Variants in NFAM1 observed in about 807,000 individuals in gnomAD.
NFAM1 encodes NFAT activation molecule 1.
In NFAM1, 17 loss-of-function variants were observed where a neutral mutation model predicts 29.0. That is an observed-to-expected ratio of 0.59 (90% CI 0.40 to 0.88). The LOEUF (loss-of-function observed/expected upper bound fraction) is 0.88, where lower values mean the gene tolerates loss of function less well. Among genes scored for constraint, NFAM1 ranks in the 40% least tolerant of loss-of-function variants. NFAM1 has a pLI of 0.00. For missense variants in NFAM1, 324 were observed against 344.6 expected, an observed-to-expected ratio of 0.94 and a Z score of 0.47; for synonymous variants, 175 against 147.2, an observed-to-expected ratio of 1.19 and a Z score of -1.36.
At chr22:42,422,713 C>T (rs1453354076) in intron 1 of NFAM1, among the ~76,000 whole-genome samples, 2 of 152,162 alleles carry the variant, frequency 1.3e-5, no homozygotes, top group Non-Finnish European at 2.9e-5. Context: ...TTTATAGCCA[C>T]CCCTGTACCC....
Position 42,385,213 on chromosome 22 carries a change from G to T in NFAM1, c.761C>A (p.Pro254Gln). 6.2e-7 allele frequency: 1 copy of T among 1,605,690 alleles called. No individual in the cohort carries two copies. Among genetic ancestry groups the T allele is most frequent in the Middle Eastern group, 1.7e-4 (1 of 6,034 alleles). ...AKQSPLSQER[P>Q]HRFEDDGELN... is the part of the protein sequence containing the mutation. The stretch of plus-strand genomic sequence containing the variant: ...TTCGCCATCATCTTCGAATCTATGC[G>T]GTCTCTCCTGGATAGAAAAGAAGAA... Residue 254 changes from proline to glutamine, a missense_variant, in exon 6 of 6, where the codon CCG becomes CAG. Physicochemically the swap from Pro to Gln is moderately conservative, Grantham distance 76. Coordinates refer to ENST00000329021, the MANE Select transcript of NFAM1 (RefSeq NM_145912.8).
intron 1 of NFAM1, among the ~76,000 whole-genome samples, chr22:42,426,316 C>T (rs767941029): frequency 2.0e-5 from 3 of 152,170 alleles, no homozygotes; most frequent in Non-Finnish European, 2.9e-5. Flanking sequence ...AAGATCTGGC[C>T]CAGGCCCTGC....
chr22:42,396,671 G>C (rs144524736), intron 4 of NFAM1, among the ~76,000 whole-genome samples: 1 of 152,130 alleles, frequency 6.6e-6, no homozygotes. Flanking sequence ...GCAAAACCGT[G>C]GCTGACAGAA....
chr22:42,398,252 G>T (rs1185827670), intron 3 of NFAM1, among the ~76,000 whole-genome samples: 2 of 152,292 alleles, frequency 1.3e-5, no homozygotes, highest in East Asian at 3.9e-4. Context: ...GTGGGGCAGG[G>T]CCCCAGGGAC....
intron 1 of NFAM1, among the ~76,000 whole-genome samples, chr22:42,413,474 C>A (rs1930159492): frequency 6.6e-6 from 1 of 152,086 alleles, no homozygotes; most frequent in South Asian, 2.1e-4. Context: ...TCCTGTTGAG[C>A]CACTAAAGAG....
chr22:42,394,129 G>A (rs532186142), intron 4 of NFAM1, among the ~76,000 whole-genome samples: 8 of 152,160 alleles, frequency 5.3e-5, no homozygotes, highest in South Asian at 2.1e-4. Context: ...TCCGCCTCCC[G>A]GGTTCAAGCA....
At chr22:42,415,363 G>A (rs951799025) in intron 1 of NFAM1, among the ~76,000 whole-genome samples, 2 of 144,498 alleles carry the variant, frequency 1.4e-5, no homozygotes, top group African/African-American at 2.6e-5. Flanking sequence ...GCGATGGCGC[G>A]ATCTCAGCTC....
At chr22:42,418,071 G>A (rs1213291349) in intron 1 of NFAM1, among the ~76,000 whole-genome samples, 1 of 152,212 alleles carries the variant, frequency 6.6e-6, no homozygotes, top group Non-Finnish European at 1.5e-5. Flanking sequence ...CAGCTCCAGG[G>A]AAGTCCCTCC....
chr22:42,392,396 G>T (rs1929374691), intron 4 of NFAM1, among the ~76,000 whole-genome samples: 1 of 152,092 alleles, frequency 6.6e-6, no homozygotes, highest in African/African-American at 2.4e-5. Context: ...TAACAATGTG[G>T]AGTCAATGGT....
intron 1 of NFAM1, among the ~76,000 whole-genome samples, chr22:42,423,655 G>C (rs999265972): frequency 3.3e-5 from 5 of 152,064 alleles, no homozygotes; most frequent in African/African-American, 1.2e-4. Context: ...GGAGTTTGAG[G>C]CTGCAGTGAG....
intron 1 of NFAM1, among the ~76,000 whole-genome samples, chr22:42,426,799 C>T (rs1424333661): frequency 6.6e-6 from 1 of 152,140 alleles, no homozygotes; most frequent in African/African-American, 2.4e-5. Flanking sequence ...CGATCCACGA[C>T]CCATGACTCA....
At chr22:42,402,003 G>A (rs2147100763) in intron 3 of NFAM1, among the ~76,000 whole-genome samples, 2 of 152,354 alleles carry the variant, frequency 1.3e-5, no homozygotes, top group African/African-American at 4.8e-5. Flanking sequence ...CCAGGTGCTG[G>A]GGACACTAAG....
Position 42,415,170 on chromosome 22 carries a change from G to A in NFAM1, c.122-3434C>T, listed in dbSNP as rs116594526. ...CAATAACAACGTCCAGTCTGGAGAC[G>A]TCAGGCCAAAAAACCCGGGGGAGGA... On this transcript the variant is annotated intron_variant, in intron 1 of 5. Transcript: ENST00000329021. Among the ~76,000 whole-genome samples the A allele has an allele frequency of 9.3e-3, 1,414 of 152,030 alleles. 24 individuals carry two copies. The highest frequency in any genetic ancestry group is 0.032 in the African/African-American group (1,323 of 41,502).
chr22:42,397,133 C>T (rs1485369794), intron 4 of NFAM1, among the ~76,000 whole-genome samples: 2 of 152,204 alleles, frequency 1.3e-5, no homozygotes, highest in African/African-American at 2.4e-5. Flanking sequence ...CCGAAAGGAA[C>T]GTAGCAAAAA....
chr22:42,411,353 C>T, intron 2 of NFAM1, 54 bp downstream of exon 2: 1 of 1,394,526 alleles, frequency 7.2e-7, no homozygotes, highest in South Asian at 1.2e-5. Flanking sequence ...TCCCAAACTG[C>T]CATTTGAAAC....
Position 42,383,062 on chromosome 22 carries a change from G to C in NFAM1, c.*2099C>G, listed in dbSNP as rs1170960618. The C allele has an allele frequency of 1.3e-5, 2 of 153,982 alleles. No individual in the cohort carries two copies. Among genetic ancestry groups the C allele is most frequent in the Non-Finnish European group, 2.9e-5 (2 of 69,478 alleles). The allele number at this position is 153,982 out of a possible 1,614,324, so 9.5% of individuals were successfully genotyped here. A position where few individuals can be genotyped will look rare whatever the true frequency, so the allele number is the denominator to read the frequency against. ...GGTGTGGGTTTAATCGGGGTCTGTC[G>C]GTGGCAGGGCAGCTGCAGGGAGGCC... On this transcript the variant is annotated 3_prime_UTR_variant, in exon 6 of 6. Coordinates refer to ENST00000329021, the MANE Select transcript of NFAM1 (RefSeq NM_145912.8).
At chr22:42,410,383 G>C (rs1930040655) in intron 2 of NFAM1, 1 of 363,124 alleles carries the variant, frequency 2.8e-6, no homozygotes, top group Admixed American at 3.2e-5. Flanking sequence ...AAACTGGCTG[G>C]GTGTGCTGGC....
chr22:42,415,182 A>C (rs1930214434), intron 1 of NFAM1, among the ~76,000 whole-genome samples: 1 of 151,948 alleles, frequency 6.6e-6, no homozygotes, highest in Admixed American at 6.6e-5. Context: ...CAGGCCAAAA[A>C]ACCCGGGGGA....
At chr22:42,424,094 C>T (rs1440481654) in intron 1 of NFAM1, among the ~76,000 whole-genome samples, 2 of 151,902 alleles carry the variant, frequency 1.3e-5, no homozygotes, top group African/African-American at 2.4e-5. Flanking sequence ...AGCCATCACA[C>T]TGGCTGAGAC....
Sources: allele counts gnomAD v4.1 joint callset (sites outside exome capture counted in the v4.1 genomes callset), GRCh38; gene constraint gnomAD v4.1.1; transcripts MANE v1.5; gene names NCBI Gene and HGNC (gene_info 2026-07-23, HGNC 2026-07-21).